PTK2B: variants seen among roughly 807,000 people sequenced by gnomAD.
The protein encoded by PTK2B is protein tyrosine kinase 2 beta.
PTK2B carries 71 observed loss-of-function variants against 142.9 expected under a neutral mutation model. The ratio of observed to expected loss-of-function variants is 0.50; its 90% CI spans 0.41 to 0.61. The LOEUF (loss-of-function observed/expected upper bound fraction) is 0.61, where lower values mean the gene tolerates loss of function less well. PTK2B is among the 20% of genes least tolerant of loss of function. PTK2B has a pLI of 0.00. For synonymous variants in PTK2B, 519 were observed against 503.4 expected (o/e 1.03, Z -0.42); for missense variants, 1,105 against 1,320.4 (o/e 0.84, Z 2.53).
At chr8:27,368,599 T>C (rs1806156725) in intron 1 of PTK2B, among the ~76,000 whole-genome samples, 1 of 152,250 alleles carries the variant, frequency 6.6e-6, no homozygotes, top group Non-Finnish European at 1.5e-5. Flanking sequence ...ATTTTGCTCC[T>C]GCTTACATGT....
At chr8:27,447,913 G>C (rs375375176) in intron 24 of PTK2B, among the ~76,000 whole-genome samples, 3 of 152,218 alleles carry the variant, frequency 2.0e-5, no homozygotes, top group African/African-American at 4.8e-5. Context: ...AGTAGGGCTT[G>C]CTGTGATTGC....
intron 2 of PTK2B, among the ~76,000 whole-genome samples, chr8:27,408,406 C>T (rs1434004066): frequency 2.6e-5 from 4 of 152,218 alleles, no homozygotes; most frequent in African/African-American, 9.6e-5. Context: ...CTGGGTTTCC[C>T]CACTCAGCCT....
intron 1 of PTK2B, among the ~76,000 whole-genome samples, chr8:27,348,267 G>C (rs74818277): frequency 6.6e-6 from 1 of 152,196 alleles, no homozygotes; most frequent in African/African-American, 2.4e-5. Flanking sequence ...CCTGTGTTAC[G>C]AATACTCAAA....
chr8:27,310,929 G>C (rs1338516343), upstream of PTK2B: 3 of 1,612,640 alleles, frequency 1.9e-6, no homozygotes. Context: ...CCGCGGTGCA[G>C]GCGGCAGACA....
chr8:27,397,512 G>T (rs752810639), intron 1 of PTK2B, 36 bp from the exon 2 acceptor site: 1 of 1,526,900 alleles, frequency 6.5e-7, no homozygotes, highest in East Asian at 2.2e-5. Context: ...GCCTGTGTGG[G>T]GCTCTTTCAG....
chr8:27,420,523 G>A (rs1809678116), intron 3 of PTK2B, 134 bp from the exon 4 acceptor site: 1 of 812,464 alleles, frequency 1.2e-6, no homozygotes, highest in Non-Finnish European at 2.0e-6. Flanking sequence ...AGCCCTGAAT[G>A]AGTGGCCACG....
rs1312639909 is a variant in PTK2B, at chr8:27,434,564, G to A, written c.1192+5G>A. Reference sequence around the variant, plus strand: ...TCTCAGAGAGCTGCAGCATAGGTGAGCTGCCCGCTGCATCCTCCACCTGCT... The same window carrying A: ...TCTCAGAGAGCTGCAGCATAGGTGAACTGCCCGCTGCATCCTCCACCTGCT... On this transcript the variant is annotated splice_donor_5th_base_variant and intron_variant, in intron 13 of 30. Coordinates refer to ENST00000346049, the MANE Select transcript of PTK2B (RefSeq NM_173176.3). The A allele has an allele frequency of 6.3e-7, 1 of 1,599,174 alleles. No homozygotes were observed. Among genetic ancestry groups the A allele is most frequent in the Non-Finnish European group, 8.5e-7 (1 of 1,172,788 alleles).
intron 13 of PTK2B, 127 bp from the exon 14 acceptor site, chr8:27,435,616 C>T: frequency 1.8e-6 from 2 of 1,140,108 alleles, no homozygotes; most frequent in Non-Finnish European, 2.6e-6. Context: ...GAGCCCGGGA[C>T]ATGCCTGGCT....
chr8:27,421,687 T>G (rs1411584759), intron 4 of PTK2B, among the ~76,000 whole-genome samples: 1 of 152,226 alleles, frequency 6.6e-6, no homozygotes, highest in Non-Finnish European at 1.5e-5. Context: ...ACCCCCCTCC[T>G]CAGCCTATTT....
chr8:27,341,538 C>T (rs1319937712), intron 1 of PTK2B, among the ~76,000 whole-genome samples: 2 of 152,120 alleles, frequency 1.3e-5, no homozygotes, highest in African/African-American at 2.4e-5. Context: ...CCCCAGGATG[C>T]GGCCACTTCA....
Position 27,458,614 on chromosome 8 carries a change from A to AG in PTK2B, c.*106dup. On this transcript the variant is annotated 3_prime_UTR_variant, in exon 31 of 31. Coordinates refer to ENST00000346049, the MANE Select transcript of PTK2B (RefSeq NM_173176.3). ...GTCTTCCAGGGGGAAGGCCAAGGGG[A>AG]GTCACCTTCCCTTGCCACTTTGCAC... 4 of 1,221,408 alleles carry AG rather than the reference A, an allele frequency of 3.3e-6. No individual in the cohort carries two copies. Among genetic ancestry groups the AG allele is most frequent in the Non-Finnish European group, 4.6e-6 (4 of 875,826 alleles). 75.7% of individuals were successfully genotyped at this position (1,221,408 alleles called of 1,614,324 possible).
At chr8:27,342,766 A>G (rs1335887737) in intron 1 of PTK2B, among the ~76,000 whole-genome samples, 1 of 152,102 alleles carries the variant, frequency 6.6e-6, no homozygotes, top group Non-Finnish European at 1.5e-5. Context: ...TTCATTGGAC[A>G]TGTGCCTTCC....
chr8:27,337,203 T>G (rs1266145968), intron 1 of PTK2B, among the ~76,000 whole-genome samples: 1 of 152,104 alleles, frequency 6.6e-6, no homozygotes. Flanking sequence ...TGGCATGGTA[T>G]CAGCTCACTG....
intron 2 of PTK2B, among the ~76,000 whole-genome samples, chr8:27,409,037 G>A (rs1187976084): frequency 1.3e-5 from 2 of 152,030 alleles, no homozygotes; most frequent in African/African-American, 2.4e-5. Flanking sequence ...CTCAAATCTT[G>A]CACCATCTCC....
chr8:27,311,308 G>A, upstream of PTK2B: 2 of 1,426,188 alleles, frequency 1.4e-6, no homozygotes, highest in Non-Finnish European at 1.8e-6. Flanking sequence ...GCCAACGCCC[G>A]CGACCCGAGT....
chr8:27,379,585 T>C (rs1586195436), intron 1 of PTK2B, among the ~76,000 whole-genome samples: 1 of 152,182 alleles, frequency 6.6e-6, no homozygotes, highest in African/African-American at 2.4e-5. Flanking sequence ...GCTGTAACCA[T>C]AGGAGCACAT....
chr8:27,377,210 G>A (rs372113549), intron 1 of PTK2B, among the ~76,000 whole-genome samples: 21 of 152,316 alleles, frequency 1.4e-4, no homozygotes, highest in African/African-American at 5.1e-4. Flanking sequence ...TTTGCCAAAA[G>A]GGGCGCCTGT....
At chr8:27,429,645 A>G (rs1462713384) in intron 5 of PTK2B, among the ~76,000 whole-genome samples, 1 of 152,264 alleles carries the variant, frequency 6.6e-6, no homozygotes, top group Non-Finnish European at 1.5e-5. Context: ...GGTACCTTTA[A>G]CAAGTGTCTA....
intron 1 of PTK2B, among the ~76,000 whole-genome samples, chr8:27,393,317 A>G (rs78921719): frequency 0.013 from 2,010 of 152,332 alleles, 16 homozygotes; most frequent in Non-Finnish European, 0.019. Flanking sequence ...TTCTGCTGCA[A>G]AGGGCTAAAG....
Sources: allele counts gnomAD v4.1 joint callset (sites outside exome capture counted in the v4.1 genomes callset), GRCh38; gene constraint gnomAD v4.1.1; transcripts MANE v1.5; gene names NCBI Gene and HGNC (gene_info 2026-07-23, HGNC 2026-07-21).